SLC9A2: variants seen among roughly 807,000 people sequenced by gnomAD.
SLC9A2 encodes the protein solute carrier family 9 member A2, also known as sodium/hydrogen exchanger 2.
SLC9A2 carries 42 observed loss-of-function variants against 71.7 expected under a neutral mutation model. That is an observed-to-expected ratio of 0.59 (90% CI 0.46 to 0.76). The LOEUF is 0.76. Ranked by LOEUF, SLC9A2 falls within the 30% of genes least tolerant of loss-of-function variation. SLC9A2 has a pLI of 0.00. For missense variants in SLC9A2, 829 were observed against 1,017.4 expected, an observed-to-expected ratio of 0.81 and a Z score of 2.52; for synonymous variants, 396 against 392.5, an observed-to-expected ratio of 1.01 and a Z score of -0.10.
At chr2:102,676,188 C>T (rs575714554) in intron 3 of SLC9A2, among the ~76,000 whole-genome samples, 2 of 152,324 alleles carry the variant, frequency 1.3e-5, no homozygotes, top group African/African-American at 4.8e-5. Flanking sequence ...ACCCAGGCCC[C>T]ACCTGTAGCC....
chr2:102,638,073 T>C (rs1676504638), intron 1 of SLC9A2, among the ~76,000 whole-genome samples: 1 of 152,200 alleles, frequency 6.6e-6, no homozygotes, highest in South Asian at 2.1e-4. Context: ...AATTTACATG[T>C]GGATCCTCTC....
intron 10 of SLC9A2, 137 bp downstream of exon 10, chr2:102,704,812 T>G (rs1573437283): frequency 1.1e-6 from 1 of 898,000 alleles, no homozygotes; most frequent in East Asian, 3.0e-5. Context: ...AAGGCTGGGG[T>G]GGCCGGGGGA....
At chr2:102,631,778 T>G (rs1419049653) in intron 1 of SLC9A2, among the ~76,000 whole-genome samples, 1 of 151,702 alleles carries the variant, frequency 6.6e-6, no homozygotes, top group African/African-American at 2.4e-5. Context: ...GGGGTGTGAC[T>G]GTACTGCTTC....
intron 5 of SLC9A2, among the ~76,000 whole-genome samples, chr2:102,687,922 G>T (rs1442985406): frequency 1.3e-5 from 2 of 152,054 alleles, no homozygotes; most frequent in African/African-American, 4.8e-5. Flanking sequence ...TGGGATTACA[G>T]AAATCCACCA....
chr2:102,654,685 C>T (rs762412647), intron 1 of SLC9A2, among the ~76,000 whole-genome samples: 2 of 152,106 alleles, frequency 1.3e-5, no homozygotes, highest in Non-Finnish European at 2.9e-5. Context: ...AAAGGGGATA[C>T]GTTCTGCAAA....
chr2:102,621,414 C>G (rs1236142744), intron 1 of SLC9A2, among the ~76,000 whole-genome samples: 6 of 150,228 alleles, frequency 4.0e-5, no homozygotes, highest in African/African-American at 1.5e-4. Context: ...ATTTTGAAAG[C>G]AGAAACCTCA....
intron 4 of SLC9A2, 87 bp from the exon 5 acceptor site, chr2:102,684,047 A>G (rs6757258): frequency 0.63 from 598,756 of 951,124 alleles, 192,253 homozygotes; most frequent in East Asian, 0.83. Flanking sequence ...CTTTGTCCCC[A>G]TCGCAGAAGC....
At chr2:102,691,116 A>G (rs1677653772) in intron 5 of SLC9A2, among the ~76,000 whole-genome samples, 1 of 152,204 alleles carries the variant, frequency 6.6e-6, no homozygotes, top group Non-Finnish European at 1.5e-5. Flanking sequence ...CAAGATGCAA[A>G]ACCAATAATT....
intron 1 of SLC9A2, among the ~76,000 whole-genome samples, chr2:102,625,671 T>C (rs1379164215): frequency 1.3e-5 from 2 of 152,164 alleles, no homozygotes; most frequent in African/African-American, 4.8e-5. Context: ...TACAGCTGCA[T>C]AGTATTCCAT....
At chr2:102,687,972 G>C (rs1044304699) in intron 5 of SLC9A2, among the ~76,000 whole-genome samples, 3 of 152,028 alleles carry the variant, frequency 2.0e-5, no homozygotes, top group Non-Finnish European at 4.4e-5. Context: ...TAGAGATGCG[G>C]TTTCGCTGTG....
At chr2:102,701,333 C>G (rs1354765992) in intron 8 of SLC9A2, 102 bp downstream of exon 8, 1 of 917,250 alleles carries the variant, frequency 1.1e-6, no homozygotes, top group East Asian at 2.9e-5. Flanking sequence ...ATTAATTGAT[C>G]CGCCCCCCTC....
intron 3 of SLC9A2, among the ~76,000 whole-genome samples, chr2:102,680,127 T>C (rs1677422838): frequency 6.7e-6 from 1 of 149,840 alleles, no homozygotes; most frequent in South Asian, 2.1e-4. Context: ...CATTATAAAT[T>C]AGTTTTATTA....
At position 102,665,987 on chromosome 2, in the gene SLC9A2, G is replaced by C. The variant is rs79586008; in HGVS notation, c.1004+637G>C. Reference sequence around the variant, plus strand: ...ATTGTACGAGCTTGATGCCCAATCAGGGTTGCCCACGTGGGAACCTATAAG... The same window carrying C: ...ATTGTACGAGCTTGATGCCCAATCACGGTTGCCCACGTGGGAACCTATAAG... On this transcript the variant is annotated intron_variant, in intron 3 of 11. Transcript: ENST00000233969. Among the ~76,000 whole-genome samples the C allele has an allele frequency of 3.2e-4, 49 of 151,972 alleles. No homozygotes were observed. The East Asian group carries it at 9.2e-3, about 28-fold the overall frequency.
At chr2:102,625,648 A>G (rs1676232994) in intron 1 of SLC9A2, among the ~76,000 whole-genome samples, 1 of 151,966 alleles carries the variant, frequency 6.6e-6, no homozygotes, top group Non-Finnish European at 1.5e-5. Context: ...AAGGACATGA[A>G]CTCATCATTT....
At chr2:102,632,592 C>T (rs559197280) in intron 1 of SLC9A2, among the ~76,000 whole-genome samples, 5 of 152,186 alleles carry the variant, frequency 3.3e-5, no homozygotes, top group South Asian at 2.1e-4. Context: ...TGTTTGAAGA[C>T]GCCTTGTATT....
chr2:102,696,610 T>C (rs1677773943), intron 7 of SLC9A2, among the ~76,000 whole-genome samples: 1 of 152,156 alleles, frequency 6.6e-6, no homozygotes, highest in South Asian at 2.1e-4. Flanking sequence ...TGTGTGTATA[T>C]ATGGGTGTGT....
intron 2 of SLC9A2, among the ~76,000 whole-genome samples, chr2:102,658,409 C>T (rs1676986896): frequency 1.3e-5 from 2 of 151,880 alleles, no homozygotes; most frequent in South Asian, 4.2e-4. Context: ...TCGATCATAA[C>T]TTAAAAGCCT....
At chr2:102,698,025 G>A (rs531969022) in intron 7 of SLC9A2, among the ~76,000 whole-genome samples, 102 of 152,050 alleles carry the variant, frequency 6.7e-4, no homozygotes, top group Admixed American at 2.2e-3. Flanking sequence ...CAAGGAAAAC[G>A]CACTATCCCT....
At position 102,708,358 on chromosome 2, in the gene SLC9A2, A is replaced by G. The variant is rs752955881; in HGVS notation, c.2308A>G (p.Lys770Glu). Reference protein sequence around the residue: ...SGLLQQPLLSKDQSGSEREDS... With the variant: ...SGLLQQPLLSEDQSGSEREDS... ...CTTACTACAGCAGCCCCTTCTCTCT[A>G]AAGACCAGTCTGGCTCAGAGAGGGA... is the stretch of plus-strand genomic sequence containing the variant. The change falls in exon 12 of 12, where the codon AAA becomes GAA. Residue 770 changes from lysine to glutamate, a missense_variant. Lys to Glu is a moderately conservative substitution (Grantham distance 56). Coordinates refer to ENST00000233969, the MANE Select transcript of SLC9A2 (RefSeq NM_003048.6). The G allele has an allele frequency of 1.1e-4, 175 of 1,614,116 alleles. No homozygotes were observed. Among genetic ancestry groups the G allele is most frequent in the Non-Finnish European group, 1.4e-4 (169 of 1,180,050 alleles).
Sources: allele counts gnomAD v4.1 joint callset (sites outside exome capture counted in the v4.1 genomes callset), GRCh38; gene constraint gnomAD v4.1.1; transcripts MANE v1.5; gene names NCBI Gene and HGNC (gene_info 2026-07-23, HGNC 2026-07-21).